HK1: variants seen among roughly 807,000 people sequenced by gnomAD.
HK1 encodes hexokinase-1.
A neutral mutation model predicts 91.6 loss-of-function variants in HK1; 28 were observed. That is an observed-to-expected ratio of 0.31 (90% confidence interval 0.23 to 0.42). HK1 has a LOEUF of 0.42. Among genes scored for constraint, HK1 ranks in the 10% least tolerant of loss-of-function variants. HK1 has a pLI of 1.00. For synonymous variants in HK1, 430 were observed against 468.1 expected (o/e 0.92, Z 1.05); for missense variants, 770 against 1,219.8 (o/e 0.63, Z 5.49).
intron 1 of HK1, among the ~76,000 whole-genome samples, chr10:69,325,558 C>T (rs1847304344): frequency 6.7e-6 from 1 of 149,566 alleles, no homozygotes; most frequent in Non-Finnish European, 1.5e-5. Flanking sequence ...TGGGGTCTCA[C>T]TCTGTATCCT....
chr10:69,337,952 G>C (rs535609686), intron 1 of HK1: 1 of 154,906 alleles, frequency 6.5e-6, no homozygotes, highest in Non-Finnish European at 1.4e-5. Flanking sequence ...TGCATGTTCT[G>C]TTGGGAGCAG....
intron 2 of HK1, among the ~76,000 whole-genome samples, chr10:69,286,424 G>A (rs1261304831): frequency 6.6e-6 from 1 of 152,188 alleles, no homozygotes; most frequent in Non-Finnish European, 1.5e-5. Flanking sequence ...GAGCTCTGAA[G>A]GTGGAGGCTG....
chr10:69,329,635 A>G (rs1439309063), intron 1 of HK1, among the ~76,000 whole-genome samples: 1 of 152,166 alleles, frequency 6.6e-6, no homozygotes, highest in Non-Finnish European at 1.5e-5. Flanking sequence ...AATGACAGGG[A>G]TAGGAACACT....
chr10:69,286,881 C>A (rs1845057682), intron 2 of HK1, among the ~76,000 whole-genome samples: 1 of 152,134 alleles, frequency 6.6e-6, no homozygotes, highest in Non-Finnish European at 1.5e-5. Context: ...ACTAGGGGAA[C>A]CATCAGTGCC....
chr10:69,296,169 T>C (rs1234154242), intron 4 of HK1: 1 of 185,650 alleles, frequency 5.4e-6, no homozygotes, highest in African/African-American at 2.4e-5. Flanking sequence ...CTGCGCTGTT[T>C]GTGCTGACCT....
At chr10:69,302,532 C>G (rs1845927164) in intron 5 of HK1, among the ~76,000 whole-genome samples, 1 of 151,112 alleles carries the variant, frequency 6.6e-6, no homozygotes. Context: ...GATGTGAAAA[C>G]AATTCAATGG....
rs1214294605 is a variant in HK1 at position 69,319,029 on chromosome 10, C to A, written c.63+19C>A. 6.3e-7 allele frequency: 1 copy of A among 1,589,724 alleles called. No individual in the cohort carries two copies. The highest frequency in any genetic ancestry group is 8.6e-7 in the Non-Finnish European group (1 of 1,169,094). Reference sequence around the variant, plus strand: ...CAAAAAGGTGAGCCCCCGCCCGCGCCGCCGCTGGTCCTGGCCGCAGCCTTG... The same window carrying A: ...CAAAAAGGTGAGCCCCCGCCCGCGCAGCCGCTGGTCCTGGCCGCAGCCTTG... On this transcript the variant is annotated intron_variant, in intron 1 of 17. Coordinates refer to ENST00000359426, the MANE Select transcript of HK1 (RefSeq NM_000188.3).
chr10:69,300,303 T>C, intron 4 of HK1: 2 of 359,696 alleles, frequency 5.6e-6, no homozygotes, highest in Non-Finnish European at 1.0e-5. Flanking sequence ...ATCATACATA[T>C]GTACTCTCTT....
At chr10:69,270,184 C>G (rs961409748) in intron 1 of HK1, 1 of 152,214 alleles carries the variant, frequency 6.6e-6, no homozygotes, top group African/African-American at 2.4e-5. Context: ...CTATGTTACC[C>G]AGGCTGCTCT....
intron 3 of HK1, 38 bp downstream of exon 3, chr10:69,360,083 A>G (rs778294376): frequency 4.4e-6 from 7 of 1,606,386 alleles, no homozygotes; most frequent in Non-Finnish European, 4.3e-6. Flanking sequence ...CCGTCGGGCC[A>G]GCATCCCCTT....
intron 5 of HK1, among the ~76,000 whole-genome samples, chr10:69,305,882 CAACAAA>C (rs1233512395): frequency 2.1e-4 from 5 of 24,290 alleles, no homozygotes; most frequent in South Asian, 1.5e-3. Flanking sequence ...ACAAAAAAAA[CAACAAA>C]AAAAAATAAG....
intron 1 of HK1, among the ~76,000 whole-genome samples, chr10:69,340,497 G>T (rs1031008393): frequency 6.6e-6 from 1 of 152,130 alleles, no homozygotes; most frequent in African/African-American, 2.4e-5. Context: ...TAATCCACTC[G>T]CCTCGGCCTC....
chr10:69,384,252 A>G lies in HK1; in HGVS notation c.1571-81A>G. 6 of 1,549,908 alleles carry G rather than the reference A, an allele frequency of 3.9e-6. No homozygotes were observed. The South Asian group carries it at 5.6e-5, about 14-fold the overall frequency. On this transcript the variant is annotated intron_variant, in intron 10 of 17. Coordinates refer to ENST00000359426, the MANE Select transcript of HK1 (RefSeq NM_000188.3). ...TGTTTGCTATGGGGTTCTCCCCTTG[A>G]AAGTCTGGAGTCTTGGGGTTACTGG...
At chr10:69,387,489 G>T (rs1400005073) in intron 13 of HK1, among the ~76,000 whole-genome samples, 1 of 152,108 alleles carries the variant, frequency 6.6e-6, no homozygotes, top group Non-Finnish European at 1.5e-5. Context: ...GTTTTGCCAT[G>T]CTGCTCAGGC....
chr10:69,309,341 C>T (rs1428636867), intron 5 of HK1, among the ~76,000 whole-genome samples: 1 of 150,554 alleles, frequency 6.6e-6, no homozygotes, highest in African/African-American at 2.4e-5. Context: ...GCCACCACGC[C>T]CGGCTAATTT....
intron 1 of HK1, among the ~76,000 whole-genome samples, chr10:69,334,270 T>A (rs1847870474): frequency 6.6e-6 from 1 of 152,190 alleles, no homozygotes; most frequent in African/African-American, 2.4e-5. Context: ...GGTTTTTGAG[T>A]GCCTGAGGGA....
At chr10:69,290,351 AG>A (rs890542049) in intron 3 of HK1, among the ~76,000 whole-genome samples, 20 of 152,124 alleles carry the variant, frequency 1.3e-4, no homozygotes, top group Admixed American at 2.6e-4. Context: ...GCAAGAGGTG[AG>A]GGTCTTGGGC....
intron 3 of HK1, among the ~76,000 whole-genome samples, chr10:69,290,095 C>A (rs1010573102): frequency 6.6e-6 from 1 of 152,104 alleles, no homozygotes; most frequent in Non-Finnish European, 1.5e-5. Flanking sequence ...ACCCCGCCCC[C>A]CACCAACAGA....
At chr10:69,288,816 T>C in intron 3 of HK1, 1 of 1,543,578 alleles carries the variant, frequency 6.5e-7, no homozygotes, top group Non-Finnish European at 9.0e-7. Context: ...TGAGACGTTT[T>C]TGTTCCATCG....
Sources: allele counts gnomAD v4.1 joint callset (sites outside exome capture counted in the v4.1 genomes callset), GRCh38; gene constraint gnomAD v4.1.1; transcripts MANE v1.5; gene names NCBI Gene and HGNC (gene_info 2026-07-23, HGNC 2026-07-21).